ZNF214: variants seen among roughly 807,000 people sequenced by gnomAD.
ZNF214 encodes the protein zinc finger protein 214.
ZNF214 carries 43 observed loss-of-function variants against 53.9 expected under a neutral mutation model. That is an observed-to-expected ratio of 0.80 (90% CI 0.63 to 1.03). The LOEUF (loss-of-function observed/expected upper bound fraction) is 1.03, where lower values mean the gene tolerates loss of function less well. Ranked by LOEUF, ZNF214 falls within the 50% of genes least tolerant of loss-of-function variation. The pLI is 0.00. For synonymous variants in ZNF214, 217 were observed against 229.5 expected (o/e 0.95, Z 0.49); for missense variants, 724 against 719.1 (o/e 1.01, Z -0.08).
At chr11:7,016,729 TTAAA>T (rs1395830327) in intron 1 of ZNF214, among the ~76,000 whole-genome samples, 2 of 152,068 alleles carry the variant, frequency 1.3e-5, no homozygotes, top group African/African-American at 4.8e-5. Context: ...AGTAGAAAAA[TTAAA>T]TAACCTAAGT....
intron 1 of ZNF214, among the ~76,000 whole-genome samples, chr11:7,011,891 CAAG>C (rs1283664713): frequency 1.3e-5 from 2 of 151,812 alleles, no homozygotes; most frequent in Non-Finnish European, 2.9e-5. Flanking sequence ...CTATCTTAAC[CAAG>C]AATACAAATA....
In ZNF214 at chr11:7,000,958, G is replaced by C. The variant is rs1347223979; in HGVS notation, c.725C>G (p.Pro242Arg). 1.2e-6 allele frequency: 2 copies of C among 1,612,770 alleles called. No individual in the cohort carries two copies. Among genetic ancestry groups the C allele is most frequent in the Non-Finnish European group, 1.7e-6 (2 of 1,179,540 alleles). ...SRCVFHKRNQ[P>R]GENLCQCSIC... ...GGAGCATTGACAGAGGTTTTCTCCA[G>C]GTTGATTTCTCTTGTGGAAAACACA... The change falls in exon 3 of 3, where the codon CCT (proline) becomes CGT (arginine). Residue 242 changes from proline to arginine, a missense_variant. Pro to Arg is a moderately radical substitution (Grantham distance 103). Coordinates refer to ENST00000278314, the MANE Select transcript of ZNF214 (RefSeq NM_013249.4).
intron 1 of ZNF214, among the ~76,000 whole-genome samples, chr11:7,007,163 T>C (rs543205161): frequency 8.9e-4 from 135 of 151,892 alleles, no homozygotes; most frequent in Non-Finnish European, 1.6e-3. Context: ...TATTAATACA[T>C]TTAAAAAGTC....
chr11:7,008,751 A>G (rs1414367056), intron 1 of ZNF214, among the ~76,000 whole-genome samples: 4 of 152,300 alleles, frequency 2.6e-5, no homozygotes, highest in Non-Finnish European at 2.9e-5. Flanking sequence ...AGGATACGAA[A>G]CCAATATACA....
At chr11:7,016,598 A>G (rs6578820) in intron 1 of ZNF214, among the ~76,000 whole-genome samples, 52,301 of 152,024 alleles carry the variant, frequency 0.34, 9,148 homozygotes, top group African/African-American at 0.37. Context: ...ATACCAGTGT[A>G]AGAATTGAGA....
chr11:7,018,495 CTTTTT>C (rs55641448), intron 1 of ZNF214, among the ~76,000 whole-genome samples: 53 of 61,894 alleles, frequency 8.6e-4, no homozygotes, highest in African/African-American at 2.5e-3. Flanking sequence ...AATGTTAAGA[CTTTTT>C]TTTTTTTTTT....
Position 6,999,641 on chromosome 11 carries a change from A to G in ZNF214, c.*221T>C, listed in dbSNP as rs1373205393. The G allele has an allele frequency of 2.5e-6, 1 of 405,990 alleles. No individual in the cohort carries two copies. Among genetic ancestry groups the G allele is most frequent in the East Asian group, 3.9e-5 (1 of 25,692 alleles). 25.1% of individuals were successfully genotyped at this position (405,990 alleles called of 1,614,324 possible). ...TTTAATATATTTATGACTGTATTAT[A>G]TTTATAGTAGGTAAAGAAAAATACA... On this transcript the variant is annotated 3_prime_UTR_variant, in exon 3 of 3. Coordinates refer to ENST00000278314, the MANE Select transcript of ZNF214 (RefSeq NM_013249.4).
Position 7,000,142 on chromosome 11 carries a change from A to G in ZNF214, c.1541T>C (p.Leu514Pro). Residue 514 changes from leucine to proline, a missense_variant, in exon 3 of 3, where the codon CTC becomes CCC. By Grantham distance (98) the Leu-to-Pro change is moderately conservative. Coordinates refer to ENST00000278314, the MANE Select transcript of ZNF214 (RefSeq NM_013249.4). ...TCCTGTATGGACTCTCTGATGAATG[A>G]GAAGATGTGAACGCTGACTGAATCC... ...GKGFSQRSHL[L>P]IHQRVHTGEK... is the part of the protein sequence containing the mutation. 2 of 1,612,216 alleles carry G rather than the reference A, an allele frequency of 1.2e-6. No homozygotes were observed. Among genetic ancestry groups the G allele is most frequent in the Non-Finnish European group, 1.7e-6 (2 of 1,179,270 alleles).
chr11:7,006,318 C>A (rs1471405771), intron 1 of ZNF214, among the ~76,000 whole-genome samples: 1 of 151,968 alleles, frequency 6.6e-6, no homozygotes. Context: ...TAAGTAACCC[C>A]CCAACAATAT....
Position 7,000,900 on chromosome 11 carries a change from G to A in ZNF214, c.783C>T (p.Asp261=). 1.2e-6 allele frequency: 2 copies of A among 1,613,186 alleles called. No individual in the cohort carries two copies. Among genetic ancestry groups the A allele is most frequent in the Non-Finnish European group, 1.7e-6 (2 of 1,179,570 alleles). The change falls in exon 3 of 3, where the codon GAC becomes GAT. Residue 261 remains aspartate (D), a synonymous_variant. Coordinates refer to ENST00000278314, the MANE Select transcript of ZNF214 (RefSeq NM_013249.4). ...TGTGGTTTCTTGGATGTCTATACAA[G>A]TCTGATCTCTGAGAGAAGCATGCTT... ...ICKACFSQRS[D]LYRHPRNHIG... is the part of the protein sequence containing the mutation.
chr11:7,016,314 G>A (rs1280592373), intron 1 of ZNF214, among the ~76,000 whole-genome samples: 2 of 152,230 alleles, frequency 1.3e-5, no homozygotes, highest in South Asian at 4.2e-4. Context: ...CATGCAATAA[G>A]CTTAGGTAGT....
chr11:7,006,198 C>CT (rs1258872654), intron 1 of ZNF214, among the ~76,000 whole-genome samples: 1 of 151,978 alleles, frequency 6.6e-6, no homozygotes, highest in Non-Finnish European at 1.5e-5. Flanking sequence ...AGCTTCCTTA[C>CT]TTTCTGGCAC....
At chr11:7,014,202 A>G (rs1565000387) in intron 1 of ZNF214, among the ~76,000 whole-genome samples, 1 of 152,222 alleles carries the variant, frequency 6.6e-6, no homozygotes, top group Non-Finnish European at 1.5e-5. Flanking sequence ...TCAGCTGAAA[A>G]CTACTGGCAA....
In ZNF214 at chr11:7,000,751, C is replaced by G. The variant is rs747916648; in HGVS notation, c.932G>C (p.Ser311Thr). 1.2e-6 allele frequency: 2 copies of G among 1,610,616 alleles called. No individual in the cohort carries two copies. ...GTGAAGACTAGAGATCTGGCTGAAGCTCTTACCACATGCATTACAGCTATA... is the reference window on the plus strand; with the variant it reads ...GTGAAGACTAGAGATCTGGCTGAAGGTCTTACCACATGCATTACAGCTATA... The part of the protein sequence containing the change: ...VPYSCNACGK[S>T]FSQISSLHNH... The change falls in exon 3 of 3, where the codon AGC (serine) becomes ACC (threonine). Residue 311 changes from serine to threonine, a missense_variant. Ser to Thr is a moderately conservative substitution (Grantham distance 58, BLOSUM62 1). Transcript: ENST00000278314.
chr11:7,010,637 T>TA (rs34849852), intron 1 of ZNF214, among the ~76,000 whole-genome samples: 73 of 128,350 alleles, frequency 5.7e-4, no homozygotes, highest in Middle Eastern at 8.4e-3. Flanking sequence ...CATCCCCCAT[T>TA]AAAAAAAAAA....
At chr11:7,012,281 G>A (rs1269800698) in intron 1 of ZNF214, among the ~76,000 whole-genome samples, 1 of 152,034 alleles carries the variant, frequency 6.6e-6, no homozygotes, top group African/African-American at 2.4e-5. Context: ...AAAGACAGAG[G>A]TAAGGATTAT....
chr11:7,001,454 T>A lies in ZNF214; in HGVS notation c.229A>T (p.Met77Leu), dbSNP rs1213927609. ...WQGWWNAGAQMYENQNYGETV... is the reference protein window; with the variant it reads ...WQGWWNAGAQLYENQNYGETV... ...TCCCCATAGTTCTGATTCTCATACA[T>A]CTGGGCGCCAGCATTCCACCAGCCT... Residue 77 changes from methionine (M) to leucine (L), a missense_variant, in exon 3 of 3, where the codon ATG becomes TTG. By Grantham distance (15) the Met-to-Leu change is conservative. Transcript: ENST00000278314. 1.2e-6 allele frequency: 2 copies of A among 1,613,196 alleles called. No homozygotes were observed. Among genetic ancestry groups the A allele is most frequent in the African/African-American group, 2.7e-5 (2 of 74,974 alleles).
In ZNF214 at chr11:7,000,683, C is replaced by T; in HGVS notation, c.1000G>A (p.Glu334Lys). Reference protein sequence around the residue: ...VHTEEKFYKIECDKDLSRNSL... With the variant: ...VHTEEKFYKIKCDKDLSRNSL... ...TTTCTACTGAGGTCTTTATCACACT[C>T]AATTTTATAGAATTTCTCTTCTGTG... is the stretch of plus-strand genomic sequence containing the variant. Residue 334 changes from glutamate (E) to lysine (K), a missense_variant, in exon 3 of 3, where the codon GAG becomes AAG. Glu to Lys is a moderately conservative substitution (Grantham distance 56). Transcript: ENST00000278314. 6.2e-7 allele frequency: 1 copy of T among 1,602,146 alleles called. No homozygotes were observed. The highest frequency in any genetic ancestry group is 8.5e-7 in the Non-Finnish European group (1 of 1,176,196).
intron 1 of ZNF214, among the ~76,000 whole-genome samples, chr11:7,003,567 C>T (rs1157902828): frequency 2.0e-5 from 3 of 151,910 alleles, no homozygotes; most frequent in Non-Finnish European, 2.9e-5. Flanking sequence ...GACTAAGTTA[C>T]TTGTATAAGA....
Sources: gnomAD v4.1 joint callset for allele counts (sites outside exome capture counted in the v4.1 genomes callset) on GRCh38, gnomAD v4.1.1 for gene constraint, MANE v1.5 for transcripts, NCBI Gene and HGNC (gene_info 2026-07-23, HGNC 2026-07-21) for gene names.